ADGRF4: variants seen among roughly 807,000 people sequenced by gnomAD.
ADGRF4 encodes G-protein coupled receptor PGR18.
In ADGRF4, 63 loss-of-function variants were observed where a neutral mutation model predicts 58.5. The ratio of observed to expected loss-of-function variants is 1.08; its 90% confidence interval spans 0.88 to 1.33. The LOEUF (loss-of-function observed/expected upper bound fraction) is 1.33, where lower values mean the gene tolerates loss of function less well. ADGRF4 is among the 40% of genes most tolerant of loss of function. The pLI is 0.00. For synonymous variants in ADGRF4, 313 were observed against 295.4 expected, an observed-to-expected ratio of 1.06 and a Z score of -0.61; for missense variants, 931 against 843.9, an observed-to-expected ratio of 1.10 and a Z score of -1.28.
chr6:47,718,973 G>A (rs1581700499), intron 9 of ADGRF4, among the ~76,000 whole-genome samples: 2 of 152,308 alleles, frequency 1.3e-5, no homozygotes, highest in South Asian at 4.2e-4. Flanking sequence ...CAAAATGGCA[G>A]CCAGAAGCCT....
rs1463321365 is a variant in ADGRF4 at position 47,714,843 on chromosome 6, C to A, written c.1598C>A (p.Thr533Lys). 4 of 1,610,456 alleles carry A rather than the reference C, an allele frequency of 2.5e-6. No individual in the cohort carries two copies. Among genetic ancestry groups the A allele is most frequent in the Admixed American group, 1.7e-5 (1 of 59,966 alleles). Reference sequence around the variant, plus strand: ...TGCCCATTGATCATTGCTGTCACTACAGTTGCTATCACAGAGCCAGAGAAA... The same window carrying A: ...TGCCCATTGATCATTGCTGTCACTAAAGTTGCTATCACAGAGCCAGAGAAA... ...YGCPLIIAVT[T>K]VAITEPEKGY... The change falls in exon 6 of 10, where the codon ACA becomes AAA. Residue 533 changes from threonine to lysine, a missense_variant. Transcript: ENST00000283303.
In ADGRF4 at chr6:47,714,532, G is replaced by A; in HGVS notation, c.1287G>A (p.Arg429=). The A allele has an allele frequency of 6.2e-7, 1 of 1,614,096 alleles. No individual in the cohort carries two copies. The highest frequency in any genetic ancestry group is 8.5e-7 in the Non-Finnish European group (1 of 1,180,016). The change falls in exon 6 of 10, where the codon CGG becomes CGA. Residue 429 remains arginine (R), a synonymous_variant. Transcript: ENST00000283303. ...TCATTGAAGCCACAGTGTGGTCCCG[G>A]GTGGTTGTGACGGAGATATCATACA... ...CLIIEATVWS[R]VVVTEISYMR... is the part of the protein sequence containing the mutation.
At position 47,710,968 on chromosome 6, in the gene ADGRF4, A is replaced by G. The variant is rs111378065; in HGVS notation, c.300+82A>G. The G allele has an allele frequency of 2.2e-4, 290 of 1,339,896 alleles. 1 individual carries two copies. In the East Asian group the frequency reaches 6.5e-3, roughly 30 times the overall value. The allele number at this position is 1,339,896 out of a possible 1,614,324, so 83.0% of individuals were successfully genotyped here. A position where few individuals can be genotyped will look rare whatever the true frequency, so the allele number is the denominator to read the frequency against. On this transcript the variant is annotated intron_variant, in intron 4 of 9. Transcript: ENST00000283303. ...ACATTTTTAATGTGATCTGTTCAGC[A>G]TGACAAAAAGTCTCAGATCCGCACT... is the stretch of plus-strand genomic sequence containing the variant.
Position 47,718,377 on chromosome 6 carries a change from T to C in ADGRF4, c.2035-12T>C, listed in dbSNP as rs1321203305. The C allele has an allele frequency of 1.7e-5, 25 of 1,462,224 alleles. No homozygotes were observed. The highest frequency in any genetic ancestry group is 2.3e-5 in the Non-Finnish European group (24 of 1,041,896). 90.6% of individuals were successfully genotyped at this position (1,462,224 alleles called of 1,614,324 possible). ...TACTCATTACCACTACTGTTATTTT[T>C]CCCCCACTTAGAATGCATCACTAGG... On this transcript the variant is annotated splice_polypyrimidine_tract_variant and intron_variant, in intron 8 of 9. Coordinates refer to ENST00000283303, the MANE Select transcript of ADGRF4 (RefSeq NM_153838.5).
rs1170021771 is a variant in ADGRF4, at chr6:47,714,259, GA to G, written c.1015del (p.Ile339SerfsTer28). The G allele has an allele frequency of 1.2e-6, 2 of 1,614,168 alleles. No homozygotes were observed. ...AAGAAATCATACTCACCTTCGAAAAGATCAATAAAACCCGCAATGCCAGAGC... is the reference window on the plus strand; with the variant it reads ...AAGAAATCATACTCACCTTCGAAAAGTCAATAAAACCCGCAATGCCAGAGC... ...LQEIILTFEK[I>X]NKTRNARAQC... On this transcript the variant is annotated frameshift_variant, in exon 6 of 10. Coordinates refer to ENST00000283303, the MANE Select transcript of ADGRF4 (RefSeq NM_153838.5). LOFTEE classifies it high-confidence loss of function.
chr6:47,712,245 C>G, intron 4 of ADGRF4, 112 bp from the exon 5 acceptor site: 1 of 1,040,176 alleles, frequency 9.6e-7, no homozygotes. Flanking sequence ...CTTTTTAGGA[C>G]TCTTTGCTTC....
At chr6:47,718,503 G>A in intron 9 of ADGRF4, 58 bp downstream of exon 9, 2 of 967,888 alleles carry the variant, frequency 2.1e-6, no homozygotes, top group Non-Finnish European at 3.4e-6. Context: ...ATCCACCAAT[G>A]CCCCTTGTGA....
intron 1 of ADGRF4, among the ~76,000 whole-genome samples, chr6:47,700,686 G>C (rs570516650): frequency 2.0e-5 from 3 of 152,130 alleles, no homozygotes; most frequent in Non-Finnish European, 4.4e-5. Context: ...ATAAAGAGGA[G>C]GTCCACAGTA....
chr6:47,709,597 A>G (rs1771809726), intron 3 of ADGRF4, among the ~76,000 whole-genome samples: 1 of 152,234 alleles, frequency 6.6e-6, no homozygotes, highest in East Asian at 1.9e-4. Flanking sequence ...TGTTTATCTG[A>G]GCATTTACAG....
chr6:47,714,126 C>A lies in ADGRF4; in HGVS notation c.881C>A (p.Ala294Asp). 1 of 1,613,950 alleles carries A rather than the reference C, an allele frequency of 6.2e-7. No individual in the cohort carries two copies. The highest frequency in any genetic ancestry group is 8.5e-7 in the Non-Finnish European group (1 of 1,179,956). The change falls in exon 6 of 10, where the codon GCT becomes GAT. Residue 294 changes from alanine to aspartate, a missense_variant. Physicochemically the swap from Ala to Asp is moderately radical, Grantham distance 126 (BLOSUM62 -2). Coordinates refer to ENST00000283303, the MANE Select transcript of ADGRF4 (RefSeq NM_153838.5). ...WPNASQAISI[A>D]FPTLGAILRE... ...AATGCATCCCAAGCCATTAGCATAG[C>A]TTTCCCAACCTTGGGGGCTATCCTG...
In ADGRF4 at chr6:47,710,834, G is replaced by A; in HGVS notation, c.248G>A (p.Trp83Ter). The A allele has an allele frequency of 6.2e-7, 1 of 1,613,802 alleles. No individual in the cohort carries two copies. The highest frequency in any genetic ancestry group is 1.6e-4 in the Middle Eastern group (1 of 6,062). ...GGATTTACATGTAATCAAAAAAAGT[G>A]GCAAAAATCAGCTGAAACATGTACA... The part of the protein sequence containing the change: ...EIGFTCNQKK[W>*]QKSAETCTSL... Residue 83 changes from tryptophan to a stop codon, truncating the protein, a stop_gained, in exon 4 of 10, where the codon TGG becomes TAG. Coordinates refer to ENST00000283303, the MANE Select transcript of ADGRF4 (RefSeq NM_153838.5). LOFTEE classifies it high-confidence loss of function.
At position 47,718,347 on chromosome 6, in the gene ADGRF4, A is replaced by G. The variant is rs551701887; in HGVS notation, c.2035-42A>G. ...AGAGAGGGATATACATTTTGTCAATATAATTACTCATTACCACTACTGTTA... is the reference window on the plus strand; with the variant it reads ...AGAGAGGGATATACATTTTGTCAATGTAATTACTCATTACCACTACTGTTA... On this transcript the variant is annotated intron_variant, in intron 8 of 9. Transcript: ENST00000283303. 1.7e-5 allele frequency: 18 copies of G among 1,031,102 alleles called. 1 individual carries two copies. In the East Asian group the frequency reaches 1.9e-4, roughly 11 times the overall value. The allele number at this position is 1,031,102 out of a possible 1,614,324, so 63.9% of individuals were successfully genotyped here.
chr6:47,717,239 T>G, intron 7 of ADGRF4, 53 bp from the exon 8 acceptor site: 1 of 1,277,440 alleles, frequency 7.8e-7, no homozygotes, highest in Admixed American at 1.7e-5. Flanking sequence ...CAGGCAATTC[T>G]GTTGTTTCTT....
Position 47,719,965 on chromosome 6 carries a change from G to T in ADGRF4, c.*4-1244G>T, listed in dbSNP as rs537172101. On this transcript the variant is annotated intron_variant, in intron 9 of 9. Transcript: ENST00000283303. The stretch of plus-strand genomic sequence containing the variant: ...GAGGTAGGCGAGGAACTGAGGACTG[G>T]ATTCTTTTAGCATATCCCTTGCAAG... Among the ~76,000 whole-genome samples the T allele has an allele frequency of 1.2e-3, 183 of 152,182 alleles. 1 individual carries two copies. The highest frequency in any genetic ancestry group is 2.3e-3 in the Non-Finnish European group (155 of 68,022).
chr6:47,701,677 A>G (rs904334404), intron 1 of ADGRF4, among the ~76,000 whole-genome samples: 4 of 152,236 alleles, frequency 2.6e-5, no homozygotes, highest in Non-Finnish European at 5.9e-5. Context: ...AAGAGCTCCC[A>G]TGAACATATC....
Position 47,721,854 on chromosome 6 carries a change from A to G in ADGRF4, c.*649A>G, listed in dbSNP as rs1269373979. Reference sequence around the variant, plus strand: ...TAGCTTCTAGGATCCAAGTTTCCTTATTTGTGAAACAGGAAAAAAAAATTC... The same window carrying G: ...TAGCTTCTAGGATCCAAGTTTCCTTGTTTGTGAAACAGGAAAAAAAAATTC... On this transcript the variant is annotated 3_prime_UTR_variant, in exon 10 of 10. Transcript: ENST00000283303. 1 of 149,820 alleles carries G rather than the reference A, an allele frequency of 6.7e-6. No individual in the cohort carries two copies. Among genetic ancestry groups the G allele is most frequent in the Non-Finnish European group, 1.5e-5 (1 of 66,452 alleles). 9.3% of individuals were successfully genotyped at this position (149,820 alleles called of 1,614,324 possible).
At chr6:47,708,911 T>C (rs1371557405) in intron 3 of ADGRF4, among the ~76,000 whole-genome samples, 1 of 152,234 alleles carries the variant, frequency 6.6e-6, no homozygotes, top group East Asian at 1.9e-4. Flanking sequence ...TTAAGACAAC[T>C]TGAATCTAAG....
At position 47,721,303 on chromosome 6, in the gene ADGRF4, T is replaced by A. The variant is rs1425361115; in HGVS notation, c.*98T>A. On this transcript the variant is annotated 3_prime_UTR_variant, in exon 10 of 10. Transcript: ENST00000283303. Reference sequence around the variant, plus strand: ...AGGCTGGAGTGAGGAGGAATGGTCATGCTTCCTTGGAAGACTTTCTCTTCT... The same window carrying A: ...AGGCTGGAGTGAGGAGGAATGGTCAAGCTTCCTTGGAAGACTTTCTCTTCT... 2 of 152,190 alleles carry A rather than the reference T, an allele frequency of 1.3e-5. No individual in the cohort carries two copies. The highest frequency in any genetic ancestry group is 1.3e-4 in the Admixed American group (2 of 15,282). 9.4% of individuals were successfully genotyped at this position (152,190 alleles called of 1,614,324 possible). A position where few individuals can be genotyped will look rare whatever the true frequency, so the allele number is the denominator to read the frequency against.
chr6:47,709,056 G>C (rs1036364159), intron 3 of ADGRF4, among the ~76,000 whole-genome samples: 1 of 152,166 alleles, frequency 6.6e-6, no homozygotes, highest in Admixed American at 6.5e-5. Flanking sequence ...TACAAACAAG[G>C]TTTGATGCAA....
Sources: gnomAD v4.1 joint callset for allele counts (sites outside exome capture counted in the v4.1 genomes callset) on GRCh38, gnomAD v4.1.1 for gene constraint, MANE v1.5 for transcripts, NCBI Gene and HGNC (gene_info 2026-07-23, HGNC 2026-07-21) for gene names.